PTPRG: variants seen among roughly 807,000 people sequenced by gnomAD.
The protein encoded by PTPRG is receptor-type tyrosine-protein phosphatase gamma.
PTPRG carries 102 observed loss-of-function variants against 165.3 expected under a neutral mutation model. That is an observed-to-expected ratio of 0.62 (90% CI 0.53 to 0.73). The LOEUF (loss-of-function observed/expected upper bound fraction) is 0.73. PTPRG is among the 30% of genes least tolerant of loss of function. PTPRG has a pLI of 0.00. For synonymous variants in PTPRG, 675 were observed against 669.5 expected (o/e 1.01, Z -0.13); for missense variants, 1,866 against 1,861.4 (o/e 1.00, Z -0.05).
At chr3:61,661,980 G>GTAGC (rs1392916606) in intron 1 of PTPRG, among the ~76,000 whole-genome samples, 8 of 152,050 alleles carry the variant, frequency 5.3e-5, no homozygotes, top group African/African-American at 1.9e-4. Flanking sequence ...ACATGTTGGT[G>GTAGC]TAGCTAGCGT....
chr3:62,101,462 A>G (rs1702287798), intron 5 of PTPRG, among the ~76,000 whole-genome samples: 1 of 152,234 alleles, frequency 6.6e-6, no homozygotes. Flanking sequence ...TGATAATATT[A>G]TTAATCAGTT....
chr3:61,735,560 G>T (rs975571520), intron 1 of PTPRG, among the ~76,000 whole-genome samples: 7 of 151,594 alleles, frequency 4.6e-5, no homozygotes, highest in African/African-American at 1.5e-4. Flanking sequence ...GAAATGCCGG[G>T]GACAGGCCTA....
At chr3:62,066,922 C>T (rs1480225082) in intron 4 of PTPRG, among the ~76,000 whole-genome samples, 1 of 151,518 alleles carries the variant, frequency 6.6e-6, no homozygotes, top group Non-Finnish European at 1.5e-5. Context: ...CCTGTAATCC[C>T]AGCTACTCAG....
chr3:61,713,561 A>G (rs1001302920), intron 1 of PTPRG, among the ~76,000 whole-genome samples: 1 of 152,108 alleles, frequency 6.6e-6, no homozygotes, highest in African/African-American at 2.4e-5. Context: ...CAGATAAAAT[A>G]CCCTTCCCCT....
intron 5 of PTPRG, among the ~76,000 whole-genome samples, chr3:62,081,318 C>T (rs1701572927): frequency 6.6e-6 from 1 of 151,878 alleles, no homozygotes; most frequent in African/African-American, 2.4e-5. Flanking sequence ...ACATAGATAG[C>T]AGCTGTATTA....
rs534699860 is a variant in PTPRG, at chr3:61,641,062, C to T, written c.85+78690C>T. On this transcript the variant is annotated intron_variant, in intron 1 of 29. Transcript: ENST00000474889. Reference sequence around the variant, plus strand: ...CAGGTTATCTTCTAACTACATGCAACTAGAGGCATATTTACAGAGAATAAT... The same window carrying T: ...CAGGTTATCTTCTAACTACATGCAATTAGAGGCATATTTACAGAGAATAAT... 3.4e-4 allele frequency among the ~76,000 whole-genome samples: 52 copies of T among 152,292 alleles called. No homozygotes were observed. The South Asian group carries it at 0.011, about 32-fold the overall frequency.
intron 2 of PTPRG, among the ~76,000 whole-genome samples, chr3:61,952,732 C>T (rs2039929330): frequency 6.6e-6 from 1 of 152,104 alleles, no homozygotes; most frequent in Non-Finnish European, 1.5e-5. Flanking sequence ...AATCCATTTG[C>T]CCTAGCCTCA....
chr3:62,207,734 G>T lies in PTPRG; in HGVS notation c.2155+3784G>T, dbSNP rs1356895437. The stretch of plus-strand genomic sequence containing the variant: ...AACATATTTTTAAGTCCTGTGAGTA[G>T]TGGCTTTAATATATTATCTCCCAGG... On this transcript the variant is annotated intron_variant, in intron 12 of 29. Transcript: ENST00000474889. Among the ~76,000 whole-genome samples, 4 of 152,168 alleles carry T rather than the reference G, an allele frequency of 2.6e-5. 1 individual carries two copies. Among genetic ancestry groups the T allele is most frequent in the South Asian group, 4.1e-4 (2 of 4,830 alleles).
intron 2 of PTPRG, among the ~76,000 whole-genome samples, chr3:61,887,161 TATA>T (rs2038071281): frequency 1.1e-5 from 1 of 92,740 alleles, no homozygotes; most frequent in Non-Finnish European, 2.6e-5. Flanking sequence ...TATATATATA[TATA>T]TATATATTTT....
At chr3:61,857,389 A>G (rs2037141895) in intron 2 of PTPRG, among the ~76,000 whole-genome samples, 1 of 152,158 alleles carries the variant, frequency 6.6e-6, no homozygotes, top group Non-Finnish European at 1.5e-5. Flanking sequence ...GGCTCTCTAC[A>G]GCACCATGTG....
chr3:62,154,423 A>G (rs1410603034), intron 6 of PTPRG, among the ~76,000 whole-genome samples: 1 of 152,164 alleles, frequency 6.6e-6, no homozygotes, highest in East Asian at 1.9e-4. Context: ...GGTGTTGGTC[A>G]AGAACAGAGA....
At chr3:61,893,390 C>T (rs976521699) in intron 2 of PTPRG, among the ~76,000 whole-genome samples, 4 of 152,128 alleles carry the variant, frequency 2.6e-5, no homozygotes, top group African/African-American at 7.2e-5. Context: ...ATAAGAACCC[C>T]ATAAGGTAGT....
At chr3:61,762,891 G>A (rs2033899627) in intron 2 of PTPRG, among the ~76,000 whole-genome samples, 1 of 152,094 alleles carries the variant, frequency 6.6e-6, no homozygotes, top group African/African-American at 2.4e-5. Flanking sequence ...TCCTTAGTGG[G>A]TAGGCTTGGT....
intron 1 of PTPRG, among the ~76,000 whole-genome samples, chr3:61,582,939 C>T (rs894145507): frequency 3.3e-5 from 5 of 152,148 alleles, no homozygotes; most frequent in South Asian, 2.1e-4. Flanking sequence ...CCCAAGTGTT[C>T]AGGAGCGATA....
chr3:62,286,074 T>C lies in PTPRG; in HGVS notation c.4055+3205T>C, dbSNP rs141816880. 1.6e-3 allele frequency among the ~76,000 whole-genome samples: 245 copies of C among 152,302 alleles called. 3 individuals are homozygous for C. The highest frequency in any genetic ancestry group is 9.7e-4 in the Non-Finnish European group (66 of 68,036). On this transcript the variant is annotated intron_variant, in intron 28 of 29. Transcript: ENST00000474889. Reference sequence around the variant, plus strand: ...GTTTTAATTTCTAATACAGTAAATATTGACATATACAGCCCAAATCCCCTG... The same window carrying C: ...GTTTTAATTTCTAATACAGTAAATACTGACATATACAGCCCAAATCCCCTG...
chr3:61,814,228 T>A (rs2035687952), intron 2 of PTPRG, among the ~76,000 whole-genome samples: 1 of 152,168 alleles, frequency 6.6e-6, no homozygotes, highest in Non-Finnish European at 1.5e-5. Flanking sequence ...GTGAAGATAT[T>A]GATGGGGAGA....
intron 8 of PTPRG, among the ~76,000 whole-genome samples, chr3:62,171,775 C>T (rs1331397207): frequency 6.6e-6 from 1 of 151,832 alleles, no homozygotes; most frequent in Non-Finnish European, 1.5e-5. Flanking sequence ...AACGTGTACA[C>T]ATCAGTGTTT....
intron 4 of PTPRG, among the ~76,000 whole-genome samples, chr3:62,052,208 T>C (rs2106655774): frequency 6.6e-6 from 1 of 152,376 alleles, no homozygotes; most frequent in South Asian, 2.1e-4. Flanking sequence ...CACGATACTT[T>C]AAAATGATGT....
intron 28 of PTPRG, 149 bp from the exon 29 acceptor site, chr3:62,292,272 C>A: frequency 1.1e-6 from 1 of 890,206 alleles, no homozygotes; most frequent in Non-Finnish European, 1.7e-6. Flanking sequence ...CAAATCCCTC[C>A]CCCACCAGCA....
Sources: gnomAD v4.1 joint callset for allele counts (sites outside exome capture counted in the v4.1 genomes callset) on GRCh38, gnomAD v4.1.1 for gene constraint, MANE v1.5 for transcripts, NCBI Gene and HGNC (gene_info 2026-07-23, HGNC 2026-07-21) for gene names.